The following UTP18 variants were observed in gnomAD, a reference collection of about 807,000 sequenced individuals.
UTP18 encodes the protein UTP18 small subunit processome component.
In UTP18, 36 loss-of-function variants were observed where a neutral mutation model predicts 61.1. The observed-to-expected ratio is 0.59, with a 90% CI of 0.45 to 0.78. The LOEUF (loss-of-function observed/expected upper bound fraction) is 0.78, where lower values mean the gene tolerates loss of function less well. UTP18 is among the 30% of genes least tolerant of loss of function. The pLI is 0.00. For missense variants in UTP18, 753 were observed against 693.9 expected, an observed-to-expected ratio of 1.09 and a Z score of -0.96; for synonymous variants, 282 against 251.1, an observed-to-expected ratio of 1.12 and a Z score of -1.16.
At chr17:51,286,958 C>T (rs958594260) in intron 10 of UTP18, among the ~76,000 whole-genome samples, 2 of 147,610 alleles carry the variant, frequency 1.4e-5, no homozygotes, top group African/African-American at 5.2e-5. Flanking sequence ...AGTATATCTC[C>T]TAATGCTATC....
chr17:51,266,454 CACAA>C (rs966135870), intron 3 of UTP18, among the ~76,000 whole-genome samples, 174 bp downstream of exon 3: 110 of 152,094 alleles, frequency 7.2e-4, no homozygotes, highest in African/African-American at 2.6e-3. Flanking sequence ...AAAACACAGA[CACAA>C]AGAAAATTTG....
In UTP18 at chr17:51,280,489, C is replaced by T. The variant is rs199622153; in HGVS notation, c.1204+10C>T. On this transcript the variant is annotated intron_variant, in intron 9 of 13. Coordinates refer to ENST00000225298, the MANE Select transcript of UTP18 (RefSeq NM_016001.3). ...GTATACGCCTCTTCGGGTAAGACAA[C>T]GACATGAAAGAAGCTAAGGATATTT... The T allele has an allele frequency of 2.3e-5, 37 of 1,612,888 alleles. No individual in the cohort carries two copies. The Admixed American group carries it at 3.2e-4, about 14-fold the overall frequency.
chr17:51,269,294 CAAAAAAAAAAAAAAA>C (rs58681434), intron 4 of UTP18, among the ~76,000 whole-genome samples: 33 of 66,666 alleles, frequency 5.0e-4, no homozygotes, highest in Middle Eastern at 0.016. Flanking sequence ...GACTCTGTCT[CAAAAAAAAAAAAAAA>C]AAAAAAAAAA....
At chr17:51,293,195 T>C (rs1452994696) in intron 11 of UTP18, among the ~76,000 whole-genome samples, 1 of 152,240 alleles carries the variant, frequency 6.6e-6, no homozygotes, top group African/African-American at 2.4e-5. Flanking sequence ...TTCATTAATT[T>C]ACTCATTCAG....
At chr17:51,278,406 G>A (rs1904802056) in intron 7 of UTP18, among the ~76,000 whole-genome samples, 1 of 152,166 alleles carries the variant, frequency 6.6e-6, no homozygotes, top group Admixed American at 6.5e-5. Flanking sequence ...ATTTTTACAT[G>A]TCATTTCACT....
intron 9 of UTP18, among the ~76,000 whole-genome samples, chr17:51,284,865 A>G (rs545391497): frequency 6.6e-6 from 1 of 152,282 alleles, no homozygotes; most frequent in Admixed American, 6.5e-5. Context: ...GTTCGAGACC[A>G]GCCTGGCCAA....
At chr17:51,266,716 C>T (rs953473721) in intron 3 of UTP18, among the ~76,000 whole-genome samples, 2 of 152,152 alleles carry the variant, frequency 1.3e-5, no homozygotes, top group African/African-American at 4.8e-5. Context: ...TGTCAATGTG[C>T]ATCTCTTAAG....
intron 12 of UTP18, among the ~76,000 whole-genome samples, chr17:51,294,820 C>T (rs1905322315): frequency 1.3e-5 from 2 of 152,072 alleles, no homozygotes; most frequent in Non-Finnish European, 2.9e-5. Context: ...GTCCCACCAA[C>T]AGTGTAAAAG....
intron 11 of UTP18, among the ~76,000 whole-genome samples, chr17:51,292,050 C>A (rs1024790071): frequency 6.6e-6 from 1 of 152,142 alleles, no homozygotes; most frequent in Non-Finnish European, 1.5e-5. Context: ...CTTACAATAA[C>A]CCAAGTGAAA....
intron 5 of UTP18, among the ~76,000 whole-genome samples, chr17:51,273,912 T>C (rs1419373809): frequency 6.6e-6 from 1 of 152,208 alleles, no homozygotes; most frequent in Admixed American, 6.5e-5. Flanking sequence ...TTTACCTCTT[T>C]TTAAATCATT....
In UTP18 at chr17:51,268,861, A is replaced by T. The variant is rs1211718155; in HGVS notation, c.579A>T (p.Val193=). Residue 193 remains valine, a synonymous_variant, in exon 4 of 14, where the codon GTA becomes GTT. Coordinates refer to ENST00000225298, the MANE Select transcript of UTP18 (RefSeq NM_016001.3). ...KEEFQHAMGG[V]PAWAETTKRK... is the part of the protein sequence containing the mutation. ...GATTCCAACATGCCATGGGAGGAGT[A>T]CCTGCCTGGGCAGAGACTACTAAGC... 1.9e-6 allele frequency: 3 copies of T among 1,613,984 alleles called. No individual in the cohort carries two copies. Among genetic ancestry groups the T allele is most frequent in the Non-Finnish European group, 2.5e-6 (3 of 1,179,902 alleles).
chr17:51,263,798 C>T (rs1398489409), intron 2 of UTP18, among the ~76,000 whole-genome samples: 3 of 152,076 alleles, frequency 2.0e-5, no homozygotes, highest in African/African-American at 7.2e-5. Flanking sequence ...AGCACAGTGC[C>T]TGAAACTGAG....
chr17:51,268,405 T>C (rs910012758), intron 3 of UTP18, among the ~76,000 whole-genome samples: 1 of 152,268 alleles, frequency 6.6e-6, no homozygotes, highest in African/African-American at 2.4e-5. Flanking sequence ...TTCTGTTTTA[T>C]TCAGATGATA....
At chr17:51,287,712 T>A (rs1277211566) in intron 10 of UTP18, among the ~76,000 whole-genome samples, 1 of 152,056 alleles carries the variant, frequency 6.6e-6, no homozygotes, top group Non-Finnish European at 1.5e-5. Context: ...AATGAGACAC[T>A]AGAAGTAGGT....
At chr17:51,276,905 G>C (rs1185099115) in intron 6 of UTP18, among the ~76,000 whole-genome samples, 1 of 152,174 alleles carries the variant, frequency 6.6e-6, no homozygotes, top group Non-Finnish European at 1.5e-5. Context: ...GCACCTCCGT[G>C]TGTTCAGCAA....
intron 2 of UTP18, among the ~76,000 whole-genome samples, chr17:51,265,711 G>A (rs911830335): frequency 2.6e-5 from 4 of 151,458 alleles, no homozygotes; most frequent in Non-Finnish European, 5.9e-5. Flanking sequence ...TTACAGGTGT[G>A]TGCCACCCCG....
chr17:51,274,535 G>A (rs1195906848), intron 5 of UTP18, among the ~76,000 whole-genome samples: 3 of 152,014 alleles, frequency 2.0e-5, no homozygotes, highest in Non-Finnish European at 2.9e-5. Context: ...TCCGCCTCCC[G>A]GGTTCAAGCA....
intron 4 of UTP18, among the ~76,000 whole-genome samples, chr17:51,270,198 A>G (rs897377039): frequency 3.2e-4 from 49 of 152,254 alleles, no homozygotes; most frequent in African/African-American, 1.1e-3. Context: ...ACTGTTAGAC[A>G]GTTTTTCCTA....
Position 51,281,411 on chromosome 17 carries a change from T to C in UTP18, c.1204+932T>C, listed in dbSNP as rs560390008. On this transcript the variant is annotated intron_variant, in intron 9 of 13. Transcript: ENST00000225298. ...TGCTATGAAAATTAAAATAAAATTT[T>C]ACATGCCTTTTTTTCTCTATTCTCT... Among the ~76,000 whole-genome samples the C allele has an allele frequency of 1.1e-4, 16 of 152,264 alleles. No individual in the cohort carries two copies. The East Asian group carries it at 3.1e-3, about 29-fold the overall frequency.
Sources: gnomAD v4.1 joint callset for allele counts (sites outside exome capture counted in the v4.1 genomes callset) on GRCh38, gnomAD v4.1.1 for gene constraint, MANE v1.5 for transcripts, NCBI Gene and HGNC (gene_info 2026-07-23, HGNC 2026-07-21) for gene names.